The following IQUB variants were observed in gnomAD, a reference collection of about 807,000 sequenced individuals.
The protein encoded by IQUB is IQ motif and ubiquitin domain containing.
In IQUB, 86 loss-of-function variants were observed where a neutral mutation model predicts 86.4. The observed-to-expected ratio is 1.00, with a 90% CI of 0.84 to 1.19. The LOEUF (loss-of-function observed/expected upper bound fraction) is 1.19, where lower values mean the gene tolerates loss of function less well. Among genes scored for constraint, IQUB ranks in the 50% most tolerant of loss-of-function variants. The probability of loss-of-function intolerance (pLI) is 0.00; values close to 1 mark genes in which losing one functional copy is unlikely to be tolerated. For missense variants in IQUB, 946 were observed against 916.9 expected, an observed-to-expected ratio of 1.03 and a Z score of -0.41; for synonymous variants, 289 against 304.5, an observed-to-expected ratio of 0.95 and a Z score of 0.53.
At chr7:123,473,472 A>C (rs1346564045) in intron 8 of IQUB, among the ~76,000 whole-genome samples, 1 of 152,230 alleles carries the variant, frequency 6.6e-6, no homozygotes, top group Admixed American at 6.5e-5. Context: ...TGGGTAAATA[A>C]ACCCAAAGAT....
Position 123,461,410 on chromosome 7 carries a change from A to G in IQUB, c.1954T>C (p.Tyr652His), listed in dbSNP as rs1793976628. The change falls in exon 11 of 13, where the codon TAC (tyrosine) becomes CAC (histidine). Residue 652 changes from tyrosine to histidine, a missense_variant. By Grantham distance (83) the Tyr-to-His change is moderately conservative. Transcript: ENST00000324698. Reference sequence around the variant, plus strand: ...TCTTCATAATCAGCTTCTGTATAGTAGAGCTGTTGAAGTAAACATTTGTAC... The same window carrying G: ...TCTTCATAATCAGCTTCTGTATAGTGGAGCTGTTGAAGTAAACATTTGTAC... ...LKYKCLLQQL[Y>H]YTEADYEDDS... 6.2e-7 allele frequency: 1 copy of G among 1,611,914 alleles called. No homozygotes were observed. Among genetic ancestry groups the G allele is most frequent in the Non-Finnish European group, 8.5e-7 (1 of 1,178,452 alleles).
intron 12 of IQUB, among the ~76,000 whole-genome samples, chr7:123,455,479 A>C (rs373870140): frequency 2.0e-5 from 3 of 152,144 alleles, no homozygotes; most frequent in African/African-American, 7.2e-5. Flanking sequence ...AAATGCATCA[A>C]AAATTTTTAA....
intron 7 of IQUB, 40 bp from the exon 8 acceptor site, chr7:123,480,010 TC>T: frequency 6.7e-7 from 1 of 1,500,014 alleles, no homozygotes. Flanking sequence ...TTTTTAAAAA[TC>T]CCATCTTGAA....
chr7:123,509,483 G>A (rs1003372419), intron 3 of IQUB, among the ~76,000 whole-genome samples: 6 of 151,856 alleles, frequency 4.0e-5, no homozygotes, highest in South Asian at 4.2e-4. Flanking sequence ...ACCACTTCCC[G>A]AAACTTCCAC....
At chr7:123,492,062 T>C (rs896738749) in intron 7 of IQUB, among the ~76,000 whole-genome samples, 1 of 152,174 alleles carries the variant, frequency 6.6e-6, no homozygotes, top group Non-Finnish European at 1.5e-5. Flanking sequence ...TCATCCTTTC[T>C]GCTATGTGAG....
At chr7:123,530,672 A>AT (rs377272603) in intron 1 of IQUB, among the ~76,000 whole-genome samples, 42,840 of 99,500 alleles carry the variant, frequency 0.43, 9,886 homozygotes, top group South Asian at 0.47. Flanking sequence ...TTGCTCTTTG[A>AT]TTTTTTTTTT....
At chr7:123,496,568 T>G (rs981508300) in intron 7 of IQUB, 128 bp downstream of exon 7, 1 of 569,246 alleles carries the variant, frequency 1.8e-6, no homozygotes, top group Non-Finnish European at 3.0e-6. Context: ...TCTTTCAAAA[T>G]TCTCTACTGC....
intron 7 of IQUB, among the ~76,000 whole-genome samples, chr7:123,489,000 T>C (rs1795339284): frequency 6.6e-6 from 1 of 152,144 alleles, no homozygotes; most frequent in African/African-American, 2.4e-5. Context: ...ATCTCAGATA[T>C]AACCTTGAGG....
chr7:123,469,045 G>A (rs1392068708), intron 9 of IQUB, among the ~76,000 whole-genome samples, 169 bp downstream of exon 9: 1 of 151,988 alleles, frequency 6.6e-6, no homozygotes, highest in Non-Finnish European at 1.5e-5. Flanking sequence ...CATTTATTAT[G>A]TATTATATTT....
At chr7:123,527,710 C>T (rs1366148628) in intron 1 of IQUB, among the ~76,000 whole-genome samples, 1 of 152,144 alleles carries the variant, frequency 6.6e-6, no homozygotes, top group Non-Finnish European at 1.5e-5. Context: ...AACCACTGCT[C>T]TCTTCAAAGC....
intron 3 of IQUB, 87 bp from the exon 4 acceptor site, chr7:123,503,450 A>G: frequency 1.4e-6 from 1 of 732,862 alleles, no homozygotes; most frequent in South Asian, 1.9e-5. Context: ...ATTGACAAAT[A>G]AAAATTGTAT....
Position 123,464,895 on chromosome 7 carries a change from T to C in IQUB, c.1696A>G (p.Thr566Ala), listed in dbSNP as rs562160092. 2 of 1,607,606 alleles carry C rather than the reference T, an allele frequency of 1.2e-6. No homozygotes were observed. Among genetic ancestry groups the C allele is most frequent in the African/African-American group, 2.7e-5 (2 of 74,674 alleles). ...NLEGLRKRIA[T>A]LFFHYIKTPL... ...GTTTTGATATAATGAAAAAAGAGTGTCGCAATTCTTTTTCTGAGTCCTTCA... is the reference window on the plus strand; with the variant it reads ...GTTTTGATATAATGAAAAAAGAGTGCCGCAATTCTTTTTCTGAGTCCTTCA... The change falls in exon 10 of 13, where the codon ACA becomes GCA. Residue 566 changes from threonine to alanine, a missense_variant. By Grantham distance (58) the Thr-to-Ala change is moderately conservative. Coordinates refer to ENST00000324698, the MANE Select transcript of IQUB (RefSeq NM_178827.5).
intron 1 of IQUB, among the ~76,000 whole-genome samples, chr7:123,517,227 G>C (rs1364760203): frequency 6.6e-6 from 1 of 152,046 alleles, no homozygotes; most frequent in Non-Finnish European, 1.5e-5. Context: ...TCTGACCTCT[G>C]CTTTAGAAAG....
Position 123,457,460 on chromosome 7 carries a change from A to G in IQUB, c.2114T>C (p.Leu705Pro). The G allele has an allele frequency of 1.2e-6, 2 of 1,612,186 alleles. No individual in the cohort carries two copies. Among genetic ancestry groups the G allele is most frequent in the Non-Finnish European group, 1.7e-6 (2 of 1,179,042 alleles). ...DLVMVRWNKS[L>P]EWSPWNCILL... ...AATGCAGTTCCAGGGGGACCACTCC[A>G]GGGATTTATTCCATCTGACCATGAC... is the stretch of plus-strand genomic sequence containing the variant. The change falls in exon 12 of 13, where the codon CTG (leucine) becomes CCG (proline). Residue 705 changes from leucine to proline, a missense_variant. Physicochemically the swap from Leu to Pro is moderately conservative, Grantham distance 98. Coordinates refer to ENST00000324698, the MANE Select transcript of IQUB (RefSeq NM_178827.5).
chr7:123,457,421 T>C lies in IQUB; in HGVS notation c.2153A>G (p.Asp718Gly), dbSNP rs142301871. 1.9e-5 allele frequency: 31 copies of C among 1,612,504 alleles called. 1 individual carries two copies. Among genetic ancestry groups the C allele is most frequent in the Middle Eastern group, 1.7e-4 (1 of 6,042 alleles). ...TAGCTTGAGATGAGCAGCTGCTTCA[T>C]CTTTGGTAAGAAGAATGCAGTTCCA... ...SPWNCILLTK[D>G]EAAAHLKLTS... The change falls in exon 12 of 13, where the codon GAT (aspartate) becomes GGT (glycine). Residue 718 changes from aspartate to glycine, a missense_variant. Asp to Gly is a moderately conservative substitution (Grantham distance 94). Transcript: ENST00000324698.
chr7:123,474,043 C>CA (rs1218585048), intron 8 of IQUB, among the ~76,000 whole-genome samples: 2 of 151,994 alleles, frequency 1.3e-5, no homozygotes, highest in African/African-American at 4.8e-5. Flanking sequence ...TTTGACTGGA[C>CA]AAATTTAAGA....
Position 123,475,634 on chromosome 7 carries a change from T to G in IQUB, c.1410+4161A>C, listed in dbSNP as rs142783480. 2.6e-5 allele frequency among the ~76,000 whole-genome samples: 4 copies of G among 152,250 alleles called. No homozygotes were observed. The East Asian group carries it at 7.7e-4, about 29-fold the overall frequency. ...TGTAAGTATATACAACAATAGAATT[T>G]TAAATAGTTTGCAGGAAATAGAAAA... On this transcript the variant is annotated intron_variant, in intron 8 of 12. Transcript: ENST00000324698.
chr7:123,531,401 C>T (rs1036716713), intron 1 of IQUB, among the ~76,000 whole-genome samples: 16 of 152,006 alleles, frequency 1.1e-4, no homozygotes, highest in African/African-American at 3.6e-4. Flanking sequence ...ACACCAAACA[C>T]GACACATAAA....
intron 6 of IQUB, among the ~76,000 whole-genome samples, chr7:123,499,871 A>G (rs897763606): frequency 6.6e-6 from 1 of 152,196 alleles, no homozygotes; most frequent in African/African-American, 2.4e-5. Flanking sequence ...AGGATAAGAT[A>G]AGAGGTCAGT....
Sources: allele counts gnomAD v4.1 joint callset (sites outside exome capture counted in the v4.1 genomes callset), GRCh38; gene constraint gnomAD v4.1.1; transcripts MANE v1.5; gene names NCBI Gene and HGNC (gene_info 2026-07-23, HGNC 2026-07-21).